ADAM9: variants seen among roughly 807,000 people sequenced by gnomAD.
ADAM9 encodes ADAM metallopeptidase domain 9.
ADAM9 carries 54 observed loss-of-function variants against 108.1 expected under a neutral mutation model. That is an observed-to-expected ratio of 0.50 (90% CI 0.40 to 0.63). ADAM9 has a LOEUF of 0.63. Among genes scored for constraint, ADAM9 ranks in the 20% least tolerant of loss-of-function variants. ADAM9 has a pLI of 0.00. For synonymous variants in ADAM9, 316 were observed against 336.0 expected, an observed-to-expected ratio of 0.94 and a Z score of 0.65; for missense variants, 830 against 997.7, an observed-to-expected ratio of 0.83 and a Z score of 2.26.
At chr8:39,011,421 G>A (rs1208559358) in intron 2 of ADAM9, among the ~76,000 whole-genome samples, 1 of 152,190 alleles carries the variant, frequency 6.6e-6, no homozygotes. Context: ...ATGAATTTAA[G>A]AAGAGTTAGA....
At chr8:39,005,513 A>C (rs1319928521) in intron 1 of ADAM9, among the ~76,000 whole-genome samples, 2 of 152,256 alleles carry the variant, frequency 1.3e-5, no homozygotes, top group African/African-American at 2.4e-5. Flanking sequence ...CAGCTGATAT[A>C]GGGTCACTAA....
intron 11 of ADAM9, among the ~76,000 whole-genome samples, chr8:39,032,013 A>G (rs1837109825): frequency 6.6e-6 from 1 of 152,168 alleles, no homozygotes; most frequent in Non-Finnish European, 1.5e-5. Flanking sequence ...CAGAACAGCA[A>G]ATATTGCTGC....
intron 16 of ADAM9, 105 bp downstream of exon 16, chr8:39,077,516 T>C: frequency 9.0e-7 from 1 of 1,111,962 alleles, no homozygotes; most frequent in Non-Finnish European, 1.2e-6. Flanking sequence ...TAATCTAAAT[T>C]CATTATAGAA....
rs2129434005 is a variant in ADAM9 at position 39,023,325 on chromosome 8, TGTAA to T, written c.914+4_914+7del. The T allele has an allele frequency of 6.2e-7, 1 of 1,607,578 alleles. No homozygotes were observed. Among genetic ancestry groups the T allele is most frequent in the Non-Finnish European group, 8.5e-7 (1 of 1,177,606 alleles). ...AGACATGACAGTGCACAGCTAGTTC[TGTAA>T]GTATTTTTTTTTTAAGTACTATTAA... is the stretch of plus-strand genomic sequence containing the variant. On this transcript the variant is annotated splice_donor_variant and splice_donor_region_variant and intron_variant, in intron 9 of 21. Transcript: ENST00000487273. LOFTEE classifies it high-confidence loss of function.
In ADAM9 at chr8:39,105,163, C is replaced by G. The variant is rs1839826742; in HGVS notation, c.*1463C>G. ...ACAATGGCTTTTTGTTAATAAAGAA[C>G]AGATTAGTTTTGAAGAAGGCAAAAA... On this transcript the variant is annotated 3_prime_UTR_variant, in exon 22 of 22. Coordinates refer to ENST00000487273, the MANE Select transcript of ADAM9 (RefSeq NM_003816.3). The G allele has an allele frequency of 2.3e-6, 1 of 437,210 alleles. No individual in the cohort carries two copies. The highest frequency in any genetic ancestry group is 2.0e-5 in the African/African-American group (1 of 49,130). 27.1% of individuals were successfully genotyped at this position (437,210 alleles called of 1,614,324 possible). A position where few individuals can be genotyped will look rare whatever the true frequency, so the allele number is the denominator to read the frequency against.
rs1485542923 is a variant in ADAM9 at position 39,103,885 on chromosome 8, C to G, written c.*185C>G. 1 of 704,004 alleles carries G rather than the reference C, an allele frequency of 1.4e-6. No homozygotes were observed. Among genetic ancestry groups the G allele is most frequent in the Non-Finnish European group, 2.6e-6 (1 of 389,622 alleles). 43.6% of individuals were successfully genotyped at this position (704,004 alleles called of 1,614,324 possible). ...GAGAGTTGTGAAATACAAGGAAATG[C>G]AGTAAAGCCAGGGAATTTACAATAA... On this transcript the variant is annotated 3_prime_UTR_variant, in exon 22 of 22. Transcript: ENST00000487273.
At chr8:39,096,062 G>T (rs1206347316) in intron 20 of ADAM9, among the ~76,000 whole-genome samples, 3 of 134,672 alleles carry the variant, frequency 2.2e-5, no homozygotes, top group Admixed American at 8.2e-5. Context: ...GCATTCTTTT[G>T]TATTTCTTTT....
chr8:39,014,262 A>T, intron 4 of ADAM9: 113 of 522,604 alleles, frequency 2.2e-4, no homozygotes, highest in South Asian at 4.7e-4. Context: ...TTTTTTTTTT[A>T]AAGACTAGGA....
Position 39,095,283 on chromosome 8 carries a change from A to G in ADAM9, c.2298+3937A>G, listed in dbSNP as rs185092765. Among the ~76,000 whole-genome samples, 718 of 152,248 alleles carry G rather than the reference A, an allele frequency of 4.7e-3. 9 individuals are homozygous for G. Among genetic ancestry groups the G allele is most frequent in the Non-Finnish European group, 5.3e-3 (358 of 68,002 alleles). ...GTGGGTCATGAATACTGTATTTTCA[A>G]TCTGTGTTTGGTTGAAAAATATCTG... On this transcript the variant is annotated intron_variant, in intron 20 of 21. Coordinates refer to ENST00000487273, the MANE Select transcript of ADAM9 (RefSeq NM_003816.3).
chr8:39,045,923 A>T (rs1837756866), intron 12 of ADAM9, among the ~76,000 whole-genome samples: 2 of 151,648 alleles, frequency 1.3e-5, no homozygotes, highest in Non-Finnish European at 1.5e-5. Context: ...TGACTATTGT[A>T]AGATGATATC....
At chr8:39,016,038 A>T in intron 4 of ADAM9, 80 bp from the exon 5 acceptor site, 1 of 1,350,288 alleles carries the variant, frequency 7.4e-7, no homozygotes, top group Non-Finnish European at 1.1e-6. Flanking sequence ...GCCTAAAGTA[A>T]TTTTGTTAGC....
At chr8:39,030,089 C>A (rs537451655) in intron 11 of ADAM9, among the ~76,000 whole-genome samples, 20 of 152,200 alleles carry the variant, frequency 1.3e-4, no homozygotes, top group South Asian at 1.2e-3. Context: ...ACTGACAAAC[C>A]TATATTGACA....
intron 18 of ADAM9, among the ~76,000 whole-genome samples, chr8:39,088,340 C>T (rs922195821): frequency 5.3e-5 from 8 of 151,890 alleles, no homozygotes; most frequent in South Asian, 2.1e-4. Context: ...ATCTCGGCTC[C>T]GCCTCCCGGG....
chr8:38,998,956 T>C (rs1835913852), intron 1 of ADAM9, among the ~76,000 whole-genome samples: 1 of 152,086 alleles, frequency 6.6e-6, no homozygotes. Flanking sequence ...CAGTGGAGGT[T>C]TTAAGTAGGG....
At chr8:39,026,000 A>G (rs1397024733) in intron 10 of ADAM9, 116 bp downstream of exon 10, 4 of 1,061,658 alleles carry the variant, frequency 3.8e-6, no homozygotes, top group Non-Finnish European at 5.8e-6. Flanking sequence ...GTTATGAGGA[A>G]CACAGTAGAA....
intron 1 of ADAM9, among the ~76,000 whole-genome samples, chr8:39,003,231 T>A (rs1036606965): frequency 2.0e-5 from 3 of 152,164 alleles, no homozygotes; most frequent in Non-Finnish European, 2.9e-5. Flanking sequence ...TCATTGGCAG[T>A]CTGGGTAAAA....
At chr8:39,004,716 T>C (rs1167028387) in intron 1 of ADAM9, among the ~76,000 whole-genome samples, 1 of 152,210 alleles carries the variant, frequency 6.6e-6, no homozygotes, top group African/African-American at 2.4e-5. Flanking sequence ...ATGAGTTTTC[T>C]GGGAAAGGGG....
At chr8:39,081,679 T>C (rs992367147) in intron 16 of ADAM9, among the ~76,000 whole-genome samples, 1 of 152,220 alleles carries the variant, frequency 6.6e-6, no homozygotes, top group Non-Finnish European at 1.5e-5. Context: ...CTTTTGACTT[T>C]AAAAGTACAA....
chr8:39,013,843 T>C, intron 3 of ADAM9, 122 bp from the exon 4 acceptor site: 2 of 802,762 alleles, frequency 2.5e-6, no homozygotes, highest in Admixed American at 4.4e-5. Flanking sequence ...TTAAAAATAA[T>C]TTATCTGGTG....
Sources: allele counts gnomAD v4.1 joint callset (sites outside exome capture counted in the v4.1 genomes callset), GRCh38; gene constraint gnomAD v4.1.1; transcripts MANE v1.5; gene names NCBI Gene and HGNC (gene_info 2026-07-23, HGNC 2026-07-21).